Variants in RBM18 observed in about 807,000 individuals in gnomAD.
RBM18 encodes the protein RNA binding motif protein 18.
In RBM18, 18 loss-of-function variants were observed where a neutral mutation model predicts 26.4. The observed-to-expected ratio is 0.68, with a 90% CI of 0.47 to 1.01. The LOEUF is 1.01. Ranked by LOEUF, RBM18 falls within the 50% of genes least tolerant of loss-of-function variation. The probability of loss-of-function intolerance (pLI) is 0.00; values close to 1 mark genes in which losing one functional copy is unlikely to be tolerated. For synonymous variants in RBM18, 74 were observed against 81.1 expected, an observed-to-expected ratio of 0.91 and a Z score of 0.47; for missense variants, 180 against 219.2, an observed-to-expected ratio of 0.82 and a Z score of 1.13.
At chr9:122,256,506 T>C (rs1831700221) in intron 2 of RBM18, among the ~76,000 whole-genome samples, 1 of 152,230 alleles carries the variant, frequency 6.6e-6, no homozygotes, top group Admixed American at 6.5e-5. Context: ...AAATAGATAA[T>C]GTCTGAGGTC....
intron 3 of RBM18, among the ~76,000 whole-genome samples, 154 bp downstream of exon 3, chr9:122,251,693 G>A (rs1298595527): frequency 6.6e-6 from 1 of 152,228 alleles, no homozygotes; most frequent in East Asian, 1.9e-4. Context: ...TTTGTTTATT[G>A]AGGATCCCTT....
intron 3 of RBM18, 64 bp from the exon 4 acceptor site, chr9:122,247,668 C>T: frequency 8.4e-7 from 1 of 1,195,236 alleles, no homozygotes; most frequent in South Asian, 1.2e-5. Flanking sequence ...TATGTATTCT[C>T]ACAGGGCTTC....
At chr9:122,250,722 A>T (rs565939065) in intron 3 of RBM18, among the ~76,000 whole-genome samples, 2 of 152,292 alleles carry the variant, frequency 1.3e-5, no homozygotes, top group Non-Finnish European at 2.9e-5. Flanking sequence ...AACACTGTGT[A>T]ACGTGTTTAT....
At chr9:122,260,622 G>A (rs1051155433) in intron 2 of RBM18, among the ~76,000 whole-genome samples, 17 of 152,118 alleles carry the variant, frequency 1.1e-4, no homozygotes, top group African/African-American at 3.9e-4. Flanking sequence ...CTCTATGTAG[G>A]ATAAAAAAGC....
intron 3 of RBM18, among the ~76,000 whole-genome samples, chr9:122,251,236 A>G (rs1343521140): frequency 2.6e-5 from 4 of 152,202 alleles, no homozygotes; most frequent in Non-Finnish European, 4.4e-5. Context: ...ATGTTCTTAC[A>G]TATGATGAAT....
At chr9:122,253,488 G>C (rs1219202465) in intron 2 of RBM18, among the ~76,000 whole-genome samples, 1 of 152,142 alleles carries the variant, frequency 6.6e-6, no homozygotes, top group East Asian at 1.9e-4. Context: ...AACCACTAGA[G>C]AGAATGTAGG....
At chr9:122,252,078 C>A in intron 2 of RBM18, 105 bp from the exon 3 acceptor site, 1 of 1,469,116 alleles carries the variant, frequency 6.8e-7, no homozygotes, top group Non-Finnish European at 9.3e-7. Flanking sequence ...GGGATGAAAT[C>A]TCTCGCCCCA....
rs1307163213 is a variant in RBM18 at position 122,239,223 on chromosome 9, TG to T, written c.*2660del. ...ACTGATTTTTGACCTGTTTTGTTTT[TG>T]TTTTTTTTGAGACGGTGTCTCACTC... On this transcript the variant is annotated 3_prime_UTR_variant, in exon 6 of 6. Coordinates refer to ENST00000417201, the MANE Select transcript of RBM18 (RefSeq NM_033117.4). 2.4e-4 allele frequency: 27 copies of T among 113,098 alleles called. No individual in the cohort carries two copies. The highest frequency in any genetic ancestry group is 2.0e-3 in the Admixed American group (21 of 10,402). The allele number at this position is 113,098 out of a possible 1,614,324, so 7.0% of individuals were successfully genotyped here. A position where few individuals can be genotyped will look rare whatever the true frequency, so the allele number is the denominator to read the frequency against.
At chr9:122,263,361 C>T (rs1015658338) in intron 1 of RBM18, among the ~76,000 whole-genome samples, 18 of 152,238 alleles carry the variant, frequency 1.2e-4, no homozygotes, top group African/African-American at 4.3e-4. Context: ...TTGTTCTTAC[C>T]TCCTGGGAGA....
At chr9:122,255,265 A>G (rs887275106) in intron 2 of RBM18, among the ~76,000 whole-genome samples, 2 of 152,224 alleles carry the variant, frequency 1.3e-5, no homozygotes, top group Admixed American at 1.3e-4. Flanking sequence ...GTAACCAAAC[A>G]GTGAAGGCTG....
chr9:122,239,195 GC>G lies in RBM18; in HGVS notation c.*2688del, dbSNP rs1831373210. The G allele has an allele frequency of 6.6e-6, 1 of 150,868 alleles. No homozygotes were observed. Among genetic ancestry groups the G allele is most frequent in the South Asian group, 2.1e-4 (1 of 4,690 alleles). The allele number at this position is 150,868 out of a possible 1,614,324, so 9.3% of individuals were successfully genotyped here. ...GAATACCTGGTTTCATACAACTTGT[GC>G]AACTGATTTTTGACCTGTTTTGTTT... On this transcript the variant is annotated 3_prime_UTR_variant, in exon 6 of 6. Coordinates refer to ENST00000417201, the MANE Select transcript of RBM18 (RefSeq NM_033117.4).
At chr9:122,254,496 G>A (rs1246239652) in intron 2 of RBM18, 1 of 153,630 alleles carries the variant, frequency 6.5e-6, no homozygotes, top group African/African-American at 2.4e-5. Context: ...CTGCTGAAGT[G>A]CGGGAGAGCA....
At position 122,245,360 on chromosome 9, in the gene RBM18, G is replaced by A; in HGVS notation, c.328-19C>T. 1 of 1,515,662 alleles carries A rather than the reference G, an allele frequency of 6.6e-7. No individual in the cohort carries two copies. Among genetic ancestry groups the A allele is most frequent in the South Asian group, 1.1e-5 (1 of 88,990 alleles). 93.9% of individuals were successfully genotyped at this position (1,515,662 alleles called of 1,614,324 possible). A position where few individuals can be genotyped will look rare whatever the true frequency, so the allele number is the denominator to read the frequency against. ...CATATCTCTGAAAATGAGAAATAGA[G>A]AAATTACTTCACATGGGCAGAAACC... On this transcript the variant is annotated intron_variant, in intron 4 of 5. Coordinates refer to ENST00000417201, the MANE Select transcript of RBM18 (RefSeq NM_033117.4).
chr9:122,263,316 T>C (rs1048434197), intron 1 of RBM18, among the ~76,000 whole-genome samples: 1 of 152,226 alleles, frequency 6.6e-6, no homozygotes, highest in Non-Finnish European at 1.5e-5. Flanking sequence ...CTCTGGGCTA[T>C]GTACTGAAAT....
intron 2 of RBM18, among the ~76,000 whole-genome samples, chr9:122,257,352 T>TA (rs1186739127): frequency 6.6e-6 from 1 of 152,202 alleles, no homozygotes; most frequent in African/African-American, 2.4e-5. Context: ...TTCACTGTGT[T>TA]AGCCGGGATG....
chr9:122,255,719 T>C (rs931287927), intron 2 of RBM18, among the ~76,000 whole-genome samples: 1 of 152,234 alleles, frequency 6.6e-6, no homozygotes, highest in Non-Finnish European at 1.5e-5. Flanking sequence ...GACTGGTTCA[T>C]GGCGATCTCT....
In RBM18 at chr9:122,254,916, AG is replaced by A. The variant is rs34085783; in HGVS notation, c.114-2944del. Among the ~76,000 whole-genome samples, 136 of 115,256 alleles carry A rather than the reference AG, an allele frequency of 1.2e-3. 2 individuals carry two copies. The East Asian group carries it at 0.061, about 51-fold the overall frequency. The allele number at this position is 115,256 out of a possible 152,430, so 75.6% of individuals were successfully genotyped here. On this transcript the variant is annotated intron_variant, in intron 2 of 5. Coordinates refer to ENST00000417201, the MANE Select transcript of RBM18 (RefSeq NM_033117.4). ...TGGTGGTTAAGGAGAGCTTTGTGAA[AG>A]GAGTGATATCTGACTGGGTTGTGTC...
intron 3 of RBM18, among the ~76,000 whole-genome samples, chr9:122,251,277 A>T (rs531894419): frequency 6.6e-6 from 1 of 152,318 alleles, no homozygotes; most frequent in East Asian, 1.9e-4. Context: ...GCATCTCTAC[A>T]TTTAGTAACA....
intron 4 of RBM18, among the ~76,000 whole-genome samples, chr9:122,246,941 G>T (rs901376047): frequency 1.3e-5 from 2 of 151,966 alleles, no homozygotes. Flanking sequence ...AGCTTTTCTA[G>T]CGCATTCTCC....
Sources: gnomAD v4.1 joint callset for allele counts (sites outside exome capture counted in the v4.1 genomes callset) on GRCh38, gnomAD v4.1.1 for gene constraint, MANE v1.5 for transcripts, NCBI Gene and HGNC (gene_info 2026-07-23, HGNC 2026-07-21) for gene names.